SLK: variants seen among roughly 807,000 people sequenced by gnomAD.
SLK encodes STE20-like serine/threonine-protein kinase.
SLK carries 67 observed loss-of-function variants against 147.7 expected under a neutral mutation model. The ratio of observed to expected loss-of-function variants is 0.45; its 90% confidence interval spans 0.37 to 0.56. The LOEUF (loss-of-function observed/expected upper bound fraction) is 0.56, where lower values mean the gene tolerates loss of function less well. SLK is among the 20% of genes least tolerant of loss of function. SLK has a pLI of 0.00. For missense variants in SLK, 1,136 were observed against 1,438.8 expected, an observed-to-expected ratio of 0.79 and a Z score of 3.41; for synonymous variants, 441 against 475.0, an observed-to-expected ratio of 0.93 and a Z score of 0.93.
At chr10:104,020,709 A>G in intron 17 of SLK, 96 bp downstream of exon 17, 1 of 1,304,274 alleles carries the variant, frequency 7.7e-7, no homozygotes, top group Non-Finnish European at 1.1e-6. Flanking sequence ...CAACTGCATC[A>G]TACACGAACA....
intron 1 of SLK, among the ~76,000 whole-genome samples, chr10:103,968,499 AAGTC>A (rs1223857512): frequency 2.6e-5 from 4 of 152,252 alleles, no homozygotes; most frequent in African/African-American, 9.6e-5. Context: ...CATTGACTAG[AAGTC>A]AGTATCAGCG....
At chr10:103,977,376 T>G (rs1045406526) in intron 1 of SLK, among the ~76,000 whole-genome samples, 2 of 152,182 alleles carry the variant, frequency 1.3e-5, no homozygotes, top group Non-Finnish European at 2.9e-5. Context: ...TTTATAAGTT[T>G]GAGGCAGTAG....
At chr10:104,016,249 G>A (rs1312677552) in intron 13 of SLK, among the ~76,000 whole-genome samples, 1 of 152,042 alleles carries the variant, frequency 6.6e-6, no homozygotes, top group African/African-American at 2.4e-5. Flanking sequence ...AACCCGGGAG[G>A]CGGAGCTTGC....
rs549845356 is a variant in SLK at position 104,002,368 on chromosome 10, T to C, written c.1190T>C (p.Ile397Thr). The change falls in exon 9 of 19, where the codon ATT (isoleucine) becomes ACT (threonine). Residue 397 changes from isoleucine to threonine, a missense_variant. Ile to Thr is a moderately conservative substitution (Grantham distance 89, BLOSUM62 -1). Coordinates refer to ENST00000369755, the MANE Select transcript of SLK (RefSeq NM_014720.4). ...GAACCTGAAAAGGCTGTGGAGGATA[T>C]TAATGAACATATTACCGATGCTCAG... ...TDEPEKAVED[I>T]NEHITDAQLE... The C allele has an allele frequency of 6.8e-6, 11 of 1,613,654 alleles. No individual in the cohort carries two copies. In the African/African-American group the frequency reaches 1.5e-4, roughly 22 times the overall value.
intron 17 of SLK, 83 bp from the exon 18 acceptor site, chr10:104,021,537 T>C (rs1844533843): frequency 2.7e-6 from 2 of 733,860 alleles, no homozygotes; most frequent in Admixed American, 2.4e-5. Context: ...TGATGAGTAA[T>C]TTATTATTAT....
chr10:103,993,777 A>G (rs897977793), intron 4 of SLK, among the ~76,000 whole-genome samples: 9 of 152,350 alleles, frequency 5.9e-5, no homozygotes, highest in Admixed American at 5.2e-4. Flanking sequence ...CCAAATTTGT[A>G]TATTTTGGAA....
At position 104,028,747 on chromosome 10, in the gene SLK, C is replaced by T. The variant is rs1176182219; in HGVS notation, c.*3027C>T. On this transcript the variant is annotated 3_prime_UTR_variant, in exon 19 of 19. Coordinates refer to ENST00000369755, the MANE Select transcript of SLK (RefSeq NM_014720.4). ...TGTAACTATACACTTTTTCCCATTC[C>T]ACACTGTGCTTAAATGACAAAGACT... The T allele has an allele frequency of 3.9e-5, 6 of 152,202 alleles. No homozygotes were observed. The highest frequency in any genetic ancestry group is 7.4e-5 in the Non-Finnish European group (5 of 67,996). The allele number at this position is 152,202 out of a possible 1,614,324, so 9.4% of individuals were successfully genotyped here.
chr10:103,997,339 G>A (rs1844188844), intron 4 of SLK, among the ~76,000 whole-genome samples: 1 of 152,164 alleles, frequency 6.6e-6, no homozygotes, highest in African/African-American at 2.4e-5. Context: ...GGGCACTTGG[G>A]TTGCTTTCAC....
intron 1 of SLK, among the ~76,000 whole-genome samples, chr10:103,975,168 C>T (rs1016072366): frequency 6.6e-6 from 1 of 151,966 alleles, no homozygotes; most frequent in Non-Finnish European, 1.5e-5. Flanking sequence ...AGTGCAATTT[C>T]TATCTTTACC....
At chr10:104,011,385 T>G (rs1844398160) in intron 13 of SLK, among the ~76,000 whole-genome samples, 1 of 152,228 alleles carries the variant, frequency 6.6e-6, no homozygotes, top group Non-Finnish European at 1.5e-5. Context: ...TGTATTGCTT[T>G]TAAGCTTGAC....
At chr10:103,985,101 T>C (rs1023292670) in intron 1 of SLK, among the ~76,000 whole-genome samples, 1 of 152,222 alleles carries the variant, frequency 6.6e-6, no homozygotes, top group Non-Finnish European at 1.5e-5. Flanking sequence ...GATAGTATAT[T>C]GTTACAGTTG....
At chr10:103,971,032 A>G (rs1055112427) in intron 1 of SLK, among the ~76,000 whole-genome samples, 3 of 152,158 alleles carry the variant, frequency 2.0e-5, no homozygotes, top group Admixed American at 1.3e-4. Flanking sequence ...TGTGTAACCT[A>G]TAGGTAATCA....
At chr10:104,023,255 C>A (rs145311132) in intron 18 of SLK, among the ~76,000 whole-genome samples, 17 of 152,222 alleles carry the variant, frequency 1.1e-4, no homozygotes, top group South Asian at 4.2e-4. Context: ...TCAGTTTTGC[C>A]CCTGTAGTAA....
chr10:103,986,216 T>G (rs1489353690), intron 1 of SLK, among the ~76,000 whole-genome samples: 1 of 152,174 alleles, frequency 6.6e-6, no homozygotes, highest in Non-Finnish European at 1.5e-5. Context: ...TTGTTTGTAT[T>G]ATTACTACAT....
chr10:104,006,242 C>T (rs1394155198), intron 11 of SLK, among the ~76,000 whole-genome samples: 1 of 152,144 alleles, frequency 6.6e-6, no homozygotes, highest in Non-Finnish European at 1.5e-5. Flanking sequence ...AAAGGATTTT[C>T]TATCCCAGTC....
At chr10:103,995,423 CTTTTTTTTTT>C (rs756975426) in intron 4 of SLK, among the ~76,000 whole-genome samples, 2 of 67,690 alleles carry the variant, frequency 3.0e-5, no homozygotes, top group East Asian at 3.2e-4. Flanking sequence ...TCTTTCTTTT[CTTTTTTTTTT>C]TTTTTTTTTT....
rs541919240 is a variant in SLK, at chr10:104,015,690, T to TA, written c.2878-2469dup. 1.9e-3 allele frequency among the ~76,000 whole-genome samples: 285 copies of TA among 150,388 alleles called. 1 individual carries two copies. Among genetic ancestry groups the TA allele is most frequent in the Middle Eastern group, 0.01 (3 of 290 alleles). ...AAAGGTTTTCTTTGAATTGAACTCTTACTGTGTTTAATTTAGACATAAATA... is the reference window on the plus strand; with the variant it reads ...AAAGGTTTTCTTTGAATTGAACTCTTAACTGTGTTTAATTTAGACATAAATA... On this transcript the variant is annotated intron_variant, in intron 13 of 18. Coordinates refer to ENST00000369755, the MANE Select transcript of SLK (RefSeq NM_014720.4).
chr10:103,991,746 A>G (rs566368794), intron 2 of SLK, among the ~76,000 whole-genome samples: 1 of 152,242 alleles, frequency 6.6e-6, no homozygotes, highest in East Asian at 1.9e-4. Flanking sequence ...CTGAGGGAAA[A>G]AAGGCAGGAA....
At chr10:103,989,102 A>G (rs1844055641) in intron 1 of SLK, among the ~76,000 whole-genome samples, 1 of 152,222 alleles carries the variant, frequency 6.6e-6, no homozygotes, top group African/African-American at 2.4e-5. Context: ...CAAGCCACAG[A>G]CTGAGAAAAT....
Sources: allele counts gnomAD v4.1 joint callset (sites outside exome capture counted in the v4.1 genomes callset), GRCh38; gene constraint gnomAD v4.1.1; transcripts MANE v1.5; gene names NCBI Gene and HGNC (gene_info 2026-07-23, HGNC 2026-07-21).